Variants in NRXN3 observed in about 807,000 individuals in gnomAD.
NRXN3 encodes neurexin III.
NRXN3 carries 32 observed loss-of-function variants against 137.6 expected under a neutral mutation model. That is an observed-to-expected ratio of 0.23 (90% CI 0.18 to 0.31). The LOEUF (loss-of-function observed/expected upper bound fraction) is 0.31, where lower values mean the gene tolerates loss of function less well. Among genes scored for constraint, NRXN3 ranks in the 10% least tolerant of loss-of-function variants. NRXN3 has a pLI of 1.00. For missense variants in NRXN3, 1,574 were observed against 2,062.5 expected (o/e 0.76, Z 4.59); for synonymous variants, 798 against 784.5 (o/e 1.02, Z -0.29).
intron 20 of NRXN3, among the ~76,000 whole-genome samples, chr14:79,824,195 A>G (rs1331360061): frequency 1.3e-5 from 2 of 152,024 alleles, no homozygotes; most frequent in East Asian, 3.9e-4. Context: ...ATGTCTCTCT[A>G]CCTCCCTCTT....
At chr14:78,773,256 A>C (rs1341429995) in intron 8 of NRXN3, among the ~76,000 whole-genome samples, 1 of 152,110 alleles carries the variant, frequency 6.6e-6, no homozygotes, top group Non-Finnish European at 1.5e-5. Flanking sequence ...CAACCCTCTG[A>C]GTTTTTCCCC....
intron 19 of NRXN3, among the ~76,000 whole-genome samples, chr14:79,791,750 C>T (rs1325857429): frequency 2.0e-5 from 3 of 151,840 alleles, no homozygotes; most frequent in Non-Finnish European, 4.4e-5. Context: ...AAGTCTTTTT[C>T]GTTTTATCAA....
At chr14:79,497,301 CCT>C (rs779339395) in intron 16 of NRXN3, among the ~76,000 whole-genome samples, 68 of 152,234 alleles carry the variant, frequency 4.5e-4, no homozygotes, top group Non-Finnish European at 8.5e-4. Flanking sequence ...ACCATTCTGG[CCT>C]CTTTACTATC....
At chr14:78,901,965 T>C (rs2099197822) in intron 10 of NRXN3, among the ~76,000 whole-genome samples, 1 of 152,022 alleles carries the variant, frequency 6.6e-6, no homozygotes, top group African/African-American at 2.4e-5. Flanking sequence ...TTGAAACCTA[T>C]TTGAAGGTTG....
At position 79,297,764 on chromosome 14, in the gene NRXN3, G is replaced by A. The variant is rs2084431816; in HGVS notation, c.3263-169457G>A. ...AGTGGGGCTCAGAATTTGCACAGGT[G>A]TTATTGGGTAGCAACCCAGCACTGC... On this transcript the variant is annotated intron_variant, in intron 15 of 20. Coordinates refer to ENST00000335750, the MANE Select transcript of NRXN3 (RefSeq NM_001330195.2). Among the ~76,000 whole-genome samples, 4 of 152,086 alleles carry A rather than the reference G, an allele frequency of 2.6e-5. No homozygotes were observed. In the South Asian group the frequency reaches 8.3e-4, roughly 32 times the overall value.
chr14:79,223,121 C>A (rs1056632470), intron 15 of NRXN3, among the ~76,000 whole-genome samples: 34 of 152,258 alleles, frequency 2.2e-4, no homozygotes, highest in African/African-American at 7.9e-4. Context: ...CCTGCACTGA[C>A]TTCCTCTTTC....
intron 15 of NRXN3, among the ~76,000 whole-genome samples, chr14:79,353,721 C>T (rs368165286): frequency 6.6e-6 from 1 of 152,078 alleles, no homozygotes; most frequent in Non-Finnish European, 1.5e-5. Flanking sequence ...TCTCATTTAA[C>T]GCTTAGAAGT....
intron 15 of NRXN3, among the ~76,000 whole-genome samples, chr14:79,338,390 CAT>C (rs1252712422): frequency 2.6e-4 from 40 of 152,152 alleles, no homozygotes; most frequent in Admixed American, 2.2e-3. Flanking sequence ...AATAATATAA[CAT>C]ATATGATTTA....
At position 79,376,260 on chromosome 14, in the gene NRXN3, A is replaced by ATG. The variant is rs1169118129; in HGVS notation, c.3263-90960_3263-90959insGT. On this transcript the variant is annotated intron_variant, in intron 15 of 20. Transcript: ENST00000335750. ...TATATATATATATATATATATATAT[A>ATG]TATATACACATACATATGACTCCAA... Among the ~76,000 whole-genome samples the ATG allele has an allele frequency of 2.1e-4, 15 of 72,578 alleles. 1 individual carries two copies. In the East Asian group the frequency reaches 2.5e-3, roughly 12 times the overall value. 47.6% of individuals were successfully genotyped at this position (72,578 alleles called of 152,430 possible).
chr14:79,127,551 C>T (rs2056738246), intron 15 of NRXN3, among the ~76,000 whole-genome samples: 1 of 152,136 alleles, frequency 6.6e-6, no homozygotes, highest in African/African-American at 2.4e-5. Context: ...GTTTTGGTAC[C>T]AGTACCATGC....
chr14:78,404,403 T>C (rs2092345996), intron 4 of NRXN3, among the ~76,000 whole-genome samples: 2 of 152,116 alleles, frequency 1.3e-5, no homozygotes, highest in South Asian at 4.1e-4. Flanking sequence ...AGATACTATT[T>C]TGAGCTGGGC....
At chr14:79,668,349 T>G (rs2098581253) in intron 17 of NRXN3, among the ~76,000 whole-genome samples, 1 of 152,096 alleles carries the variant, frequency 6.6e-6, no homozygotes, top group African/African-American at 2.4e-5. Context: ...TATCGGTTAT[T>G]ACATTTGAGC....
At chr14:78,360,726 T>C (rs1018385509) in intron 4 of NRXN3, among the ~76,000 whole-genome samples, 1 of 152,242 alleles carries the variant, frequency 6.6e-6, no homozygotes, top group Admixed American at 6.5e-5. Flanking sequence ...CTTTTTAAAA[T>C]ATATTTACAT....
intron 4 of NRXN3, among the ~76,000 whole-genome samples, chr14:78,609,850 T>A (rs1424870540): frequency 6.6e-6 from 1 of 152,180 alleles, no homozygotes; most frequent in Non-Finnish European, 1.5e-5. Context: ...GAAAATACCC[T>A]GTGATCTCCT....
chr14:79,836,577 C>T (rs1278253096), intron 20 of NRXN3, among the ~76,000 whole-genome samples: 1 of 152,148 alleles, frequency 6.6e-6, no homozygotes, highest in African/African-American at 2.4e-5. Context: ...AGTTCTCCAA[C>T]AGAGAAAGAG....
At chr14:78,779,904 A>G (rs1293341919) in intron 8 of NRXN3, among the ~76,000 whole-genome samples, 1 of 152,188 alleles carries the variant, frequency 6.6e-6, no homozygotes, top group Admixed American at 6.5e-5. Context: ...CTATAAATCC[A>G]CACATTTCCA....
intron 4 of NRXN3, among the ~76,000 whole-genome samples, chr14:78,495,182 T>C (rs947449961): frequency 1.7e-4 from 26 of 149,210 alleles, no homozygotes; most frequent in South Asian, 6.3e-4. Context: ...TGTTGGTACA[T>C]ACTTGAGATG....
intron 8 of NRXN3, among the ~76,000 whole-genome samples, chr14:78,753,040 T>G (rs1168963974): frequency 6.6e-6 from 1 of 152,172 alleles, no homozygotes; most frequent in Non-Finnish European, 1.5e-5. Context: ...GACTCTGCCC[T>G]TAGATACAGT....
intron 10 of NRXN3, among the ~76,000 whole-genome samples, chr14:78,935,045 G>T (rs150775): frequency 0.11 from 17,149 of 152,024 alleles, 1,258 homozygotes; most frequent in African/African-American, 0.2. Context: ...TGGGCCTACG[G>T]TTATGGCTCC....
Sources: gnomAD v4.1 joint callset for allele counts (sites outside exome capture counted in the v4.1 genomes callset) on GRCh38, gnomAD v4.1.1 for gene constraint, MANE v1.5 for transcripts, NCBI Gene and HGNC (gene_info 2026-07-23, HGNC 2026-07-21) for gene names.